The following TTC39B variants were observed in gnomAD, a reference collection of about 807,000 sequenced individuals.
The protein encoded by TTC39B is tetratricopeptide repeat domain 39B.
Under a neutral mutation model 96.6 loss-of-function variants are expected in TTC39B, and 92 were observed. The ratio of observed to expected loss-of-function variants is 0.95; its 90% CI spans 0.80 to 1.13. The LOEUF (loss-of-function observed/expected upper bound fraction) is 1.13, where lower values mean the gene tolerates loss of function less well. Among genes scored for constraint, TTC39B ranks in the 50% most tolerant of loss-of-function variants. The probability of loss-of-function intolerance (pLI) is 0.00; values close to 1 mark genes in which losing one functional copy is unlikely to be tolerated. For missense variants in TTC39B, 955 were observed against 809.3 expected (o/e 1.18, Z -2.18); for synonymous variants, 367 against 299.4 (o/e 1.23, Z -2.33).
At chr9:15,266,001 G>A (rs1823116414) in intron 2 of TTC39B, among the ~76,000 whole-genome samples, 1 of 152,210 alleles carries the variant, frequency 6.6e-6, no homozygotes, top group Admixed American at 6.5e-5. Context: ...TCTTGGGTGG[G>A]ATGCTGAGGC....
At chr9:15,179,794 G>A (rs558544791) in intron 17 of TTC39B, among the ~76,000 whole-genome samples, 2 of 152,260 alleles carry the variant, frequency 1.3e-5, no homozygotes, top group African/African-American at 2.4e-5. Flanking sequence ...AGGAACAGAC[G>A]TAACATCATG....
At chr9:15,198,481 T>C (rs1819320166) in intron 8 of TTC39B, among the ~76,000 whole-genome samples, 1 of 148,546 alleles carries the variant, frequency 6.7e-6, no homozygotes, top group South Asian at 2.1e-4. Context: ...TATATATATA[T>C]ATATATCATA....
Position 15,189,627 on chromosome 9 carries a change from G to A in TTC39B, c.1180C>T (p.Leu394Phe). The A allele has an allele frequency of 3.1e-6, 5 of 1,614,130 alleles. No individual in the cohort carries two copies. In the South Asian group the frequency reaches 4.4e-5, roughly 14 times the overall value. Residue 394 changes from leucine (L) to phenylalanine (F), a missense_variant, in exon 13 of 20, where the codon CTC becomes TTC. Transcript: ENST00000512701. Reference sequence around the variant, plus strand: ...ATTCGGGCATGATAAAACAACACGAGTGAGCCCTGCAGAGCAAGGAAGAAA... The same window carrying A: ...ATTCGGGCATGATAAAACAACACGAATGAGCCCTGCAGAGCAAGGAAGAAA...
chr9:15,195,602 G>A lies in TTC39B; in HGVS notation c.825-2907C>T, dbSNP rs375626021. On this transcript the variant is annotated intron_variant, in intron 8 of 19. Transcript: ENST00000512701. ...GGAGAATCACTTGAACCTGGGAGACGCAGGTTGCAGTGAGCTGAGATCGTG... is the reference window on the plus strand; with the variant it reads ...GGAGAATCACTTGAACCTGGGAGACACAGGTTGCAGTGAGCTGAGATCGTG... Among the ~76,000 whole-genome samples, 74 of 147,410 alleles carry A rather than the reference G, an allele frequency of 5.0e-4. 1 individual carries two copies. Among genetic ancestry groups the A allele is most frequent in the African/African-American group, 1.8e-3 (71 of 39,986 alleles).
chr9:15,177,591 G>T, intron 18 of TTC39B, 106 bp downstream of exon 18: 2 of 721,370 alleles, frequency 2.8e-6, no homozygotes, highest in Non-Finnish European at 4.7e-6. Flanking sequence ...GTAACACCAA[G>T]TAAGAGTTTA....
At chr9:15,187,541 C>A (rs1818600458) in intron 14 of TTC39B, among the ~76,000 whole-genome samples, 1 of 152,212 alleles carries the variant, frequency 6.6e-6, no homozygotes, top group South Asian at 2.1e-4. Flanking sequence ...CTCACTGTAG[C>A]CTCGAACTCT....
At chr9:15,182,354 T>G in exon 17 of TTC39B, 1 of 1,612,498 alleles carries the variant, frequency 6.2e-7, no homozygotes, top group Non-Finnish European at 8.5e-7. Flanking sequence ...TACTAACAGA[T>G]TTTCAGAAAG....
At chr9:15,229,807 C>A (rs1257674217) in intron 2 of TTC39B, among the ~76,000 whole-genome samples, 1 of 152,154 alleles carries the variant, frequency 6.6e-6, no homozygotes, top group Non-Finnish European at 1.5e-5. Context: ...TGTAAGCCAA[C>A]TGGGGCAAGT....
At chr9:15,230,556 C>G in intron 2 of TTC39B, among the ~76,000 whole-genome samples, 1 of 152,172 alleles carries the variant, frequency 6.6e-6, no homozygotes, top group Non-Finnish European at 1.5e-5. Context: ...TGTAACAGTA[C>G]TTTATTCCTT....
chr9:15,269,866 A>G (rs111966646), intron 1 of TTC39B, among the ~76,000 whole-genome samples: 110 of 20,642 alleles, frequency 5.3e-3, no homozygotes, highest in African/African-American at 1.9e-3. Flanking sequence ...AAAAAAAAAG[A>G]AAAAAAAAAA....
chr9:15,191,450 C>G (rs1818852036), intron 9 of TTC39B, among the ~76,000 whole-genome samples, 195 bp from the exon 10 acceptor site: 1 of 152,166 alleles, frequency 6.6e-6, no homozygotes, highest in Admixed American at 6.5e-5. Context: ...GACAAGGAAC[C>G]TTTAAAAAGT....
At chr9:15,225,848 T>C (rs148035782) in intron 3 of TTC39B, 69 bp downstream of exon 3, 4 of 1,403,354 alleles carry the variant, frequency 2.9e-6, no homozygotes, top group Non-Finnish European at 4.0e-6. Context: ...CAAATATCAG[T>C]ATTATATTCC....
At chr9:15,192,072 T>C (rs1161317337) in intron 9 of TTC39B, among the ~76,000 whole-genome samples, 2 of 152,222 alleles carry the variant, frequency 1.3e-5, no homozygotes, top group African/African-American at 2.4e-5. Flanking sequence ...AAAGTGGCCA[T>C]AGTGGCACAT....
At chr9:15,211,959 T>G (rs1820226354) in intron 4 of TTC39B, among the ~76,000 whole-genome samples, 1 of 152,230 alleles carries the variant, frequency 6.6e-6, no homozygotes, top group Non-Finnish European at 1.5e-5. Flanking sequence ...TTAAAGTTCT[T>G]GATATTTCAA....
chr9:15,244,502 C>T (rs1020238228), intron 2 of TTC39B, among the ~76,000 whole-genome samples: 14 of 152,240 alleles, frequency 9.2e-5, no homozygotes, highest in African/African-American at 1.4e-4. Flanking sequence ...GAGGAAAGAA[C>T]GTGCTCCATT....
intron 18 of TTC39B, among the ~76,000 whole-genome samples, chr9:15,177,072 T>A (rs1817980094): frequency 6.6e-6 from 1 of 152,238 alleles, no homozygotes; most frequent in Non-Finnish European, 1.5e-5. Flanking sequence ...CAAGTCTGTT[T>A]ACTCAGCTCT....
At chr9:15,198,339 C>A (rs866103071) in intron 8 of TTC39B, among the ~76,000 whole-genome samples, 1 of 151,724 alleles carries the variant, frequency 6.6e-6, no homozygotes, top group East Asian at 1.9e-4. Flanking sequence ...TGCCTGTAGT[C>A]CTAGCTGCTC....
At chr9:15,183,842 C>T (rs748247570) in intron 16 of TTC39B, among the ~76,000 whole-genome samples, 13 of 152,116 alleles carry the variant, frequency 8.5e-5, no homozygotes, top group Non-Finnish European at 1.8e-4. Context: ...TGCTCAGACA[C>T]GATTACAGAG....
intron 2 of TTC39B, among the ~76,000 whole-genome samples, chr9:15,261,615 G>A (rs972794803): frequency 6.6e-6 from 1 of 152,046 alleles, no homozygotes; most frequent in Non-Finnish European, 1.5e-5. Flanking sequence ...CCACTGCTCT[G>A]TGCTCTGGCC....
Sources: gnomAD v4.1 joint callset for allele counts (sites outside exome capture counted in the v4.1 genomes callset) on GRCh38, gnomAD v4.1.1 for gene constraint, MANE v1.5 for transcripts, NCBI Gene and HGNC (gene_info 2026-07-23, HGNC 2026-07-21) for gene names.